The following FLCN variants were observed in gnomAD, a reference collection of about 807,000 sequenced individuals.
FLCN encodes the protein BHD skin lesion fibrofolliculoma protein.
FLCN carries 22 observed loss-of-function variants against 62.5 expected under a neutral mutation model. The observed-to-expected ratio is 0.35, with a 90% CI of 0.25 to 0.50. The LOEUF (loss-of-function observed/expected upper bound fraction) is 0.50, where lower values mean the gene tolerates loss of function less well. Among genes scored for constraint, FLCN ranks in the 20% least tolerant of loss-of-function variants. FLCN has a pLI of 0.97. For missense variants in FLCN, 657 were observed against 778.0 expected (o/e 0.84, Z 1.85); for synonymous variants, 319 against 310.0 (o/e 1.03, Z -0.30).
At chr17:17,219,442 G>A (rs1279579384) in intron 8 of FLCN, 7 of 548,632 alleles carry the variant, frequency 1.3e-5, no homozygotes, top group South Asian at 2.0e-5. Flanking sequence ...TGGAAAGACC[G>A]TCAGCTGTTC....
intron 6 of FLCN, 48 bp downstream of exon 6, chr17:17,223,874 T>C (rs754872443): frequency 1.3e-6 from 2 of 1,596,130 alleles, no homozygotes; most frequent in Non-Finnish European, 1.7e-6. Context: ...GAGCGGCTCA[T>C]GCAGTGCAGG....
intron 6 of FLCN, 189 bp from the exon 7 acceptor site, chr17:17,222,850 T>C (rs1188459092): frequency 1.5e-6 from 1 of 689,230 alleles, no homozygotes; most frequent in Non-Finnish European, 2.6e-6. Context: ...CCCGGCTACA[T>C]CAGGAGCTAT....
intron 4 of FLCN, among the ~76,000 whole-genome samples, chr17:17,226,984 C>T (rs1343276121): frequency 6.6e-6 from 1 of 152,244 alleles, no homozygotes; most frequent in Non-Finnish European, 1.5e-5. Context: ...CCTCCATGGG[C>T]AACCCCAAAA....
intron 13 of FLCN, 78 bp downstream of exon 13, chr17:17,214,907 C>T: frequency 6.8e-7 from 1 of 1,480,934 alleles, no homozygotes; most frequent in Non-Finnish European, 9.4e-7. Flanking sequence ...TGGCCACGGC[C>T]CAGCTCCTCT....
chr17:17,221,033 C>T, intron 8 of FLCN: 2 of 636,526 alleles, frequency 3.1e-6, no homozygotes, highest in Non-Finnish European at 4.9e-6. Flanking sequence ...CAAGACTGGC[C>T]CAGTGCTTCC....
At chr17:17,217,210 C>A (rs368047869) in intron 9 of FLCN, 28 bp from the exon 10 acceptor site, 1 of 1,449,734 alleles carries the variant, frequency 6.9e-7, no homozygotes, top group Non-Finnish European at 9.7e-7. Flanking sequence ...GTGCTTTCAG[C>A]GTGACTAGTA....
Position 17,219,011 on chromosome 17 carries a change from C to G in FLCN, c.1062+8G>C, listed in dbSNP as rs1317761101. The G allele has an allele frequency of 1.9e-6, 3 of 1,612,826 alleles. No homozygotes were observed. In the South Asian group the frequency reaches 3.3e-5, roughly 18 times the overall value. The stretch of plus-strand genomic sequence containing the variant: ...GAGCTCCTGATGCGCTGTGCCCCTG[C>G]CGCCTACCTGCCTCATGTGCCGGAG... On this transcript the variant is annotated splice_region_variant and intron_variant, in intron 9 of 13. Transcript: ENST00000285071.
chr17:17,215,246 G>A lies in FLCN; in HGVS notation c.1371C>T (p.Asp457=). 6.2e-7 allele frequency: 1 copy of A among 1,614,178 alleles called. No homozygotes were observed. Among genetic ancestry groups the A allele is most frequent in the Non-Finnish European group, 8.5e-7 (1 of 1,180,030 alleles). Residue 457 remains aspartate, a synonymous_variant, in exon 12 of 14, where the codon GAC becomes GAT. Transcript: ENST00000285071. The part of the protein sequence containing the change: ...STLHPVGCED[D]QSLSKYEFVV... Reference sequence around the variant, plus strand: ...CAAACTCGTACTTGCTGAGAGACTGGTCATCCTCACACCCCACAGGGTGGA... The same window carrying A: ...CAAACTCGTACTTGCTGAGAGACTGATCATCCTCACACCCCACAGGGTGGA...
At chr17:17,225,820 G>A (rs892604430) in intron 5 of FLCN, 14 of 369,838 alleles carry the variant, frequency 3.8e-5, no homozygotes, top group Non-Finnish European at 6.5e-5. Context: ...GTTTGAGGTT[G>A]CAGTGAACCA....
intron 13 of FLCN, 88 bp downstream of exon 13, chr17:17,214,897 T>G: frequency 1.4e-6 from 2 of 1,385,764 alleles, no homozygotes; most frequent in Non-Finnish European, 2.0e-6. Context: ...CCTCCCTCAG[T>G]GGCCACGGCC....
In FLCN at chr17:17,232,791, A is replaced by G; in HGVS notation, c.-117T>C. 6.5e-6 allele frequency: 1 copy of G among 152,830 alleles called. No homozygotes were observed. The highest frequency in any genetic ancestry group is 1.5e-5 in the Non-Finnish European group (1 of 68,206). The allele number at this position is 152,830 out of a possible 1,614,324, so 9.5% of individuals were successfully genotyped here. On this transcript the variant is annotated 5_prime_UTR_variant, in exon 2 of 14. Coordinates refer to ENST00000285071, the MANE Select transcript of FLCN (RefSeq NM_144997.7). ...CCTGCAGAGCACCCACACTAACCTG[A>G]CACTCAGCAGAATCACGCTTCCACC...
intron 3 of FLCN, chr17:17,229,093 G>A (rs569439458): frequency 6.5e-6 from 1 of 153,326 alleles, no homozygotes; most frequent in East Asian, 1.9e-4. Flanking sequence ...GTGGGGTGCA[G>A]AGTGCGGAGC....
Position 17,212,573 on chromosome 17 carries a change from T to C in FLCN, c.*1082A>G. ...GCTGAGGTGGGTGGATCACCTGAGG[T>C]CAGGAGTTTGAGACCAGCCCGGCCA... On this transcript the variant is annotated 3_prime_UTR_variant, in exon 14 of 14. Coordinates refer to ENST00000285071, the MANE Select transcript of FLCN (RefSeq NM_144997.7). The C allele has an allele frequency of 6.1e-6, 1 of 164,150 alleles. No individual in the cohort carries two copies. The highest frequency in any genetic ancestry group is 1.3e-5 in the Non-Finnish European group (1 of 77,554). The allele number at this position is 164,150 out of a possible 1,614,324, so 10.2% of individuals were successfully genotyped here. A position where few individuals can be genotyped will look rare whatever the true frequency, so the allele number is the denominator to read the frequency against.
chr17:17,215,305 T>C lies in FLCN; in HGVS notation c.1312A>G (p.Ile438Val). 6.2e-7 allele frequency: 1 copy of C among 1,614,016 alleles called. No individual in the cohort carries two copies. The highest frequency in any genetic ancestry group is 1.1e-5 in the South Asian group (1 of 91,068). The change falls in exon 12 of 14, where the codon ATC becomes GTC. Residue 438 changes from isoleucine (I) to valine (V), a missense_variant. Ile to Val is a conservative substitution (Grantham distance 29). Coordinates refer to ENST00000285071, the MANE Select transcript of FLCN (RefSeq NM_144997.7). ...PHVLSSEFAV[I>V]VEVHAAARST... ...CGTGCGGCTGCGTGGACCTCCACGA[T>C]GACAGCAAACTCTGTAACAACACAA... is the stretch of plus-strand genomic sequence containing the variant.
intron 6 of FLCN, among the ~76,000 whole-genome samples, chr17:17,223,285 G>A (rs565973558): frequency 6.6e-6 from 1 of 152,306 alleles, no homozygotes; most frequent in East Asian, 1.9e-4. Flanking sequence ...AAGAGACGGG[G>A]TTTCTCCATG....
intron 3 of FLCN, among the ~76,000 whole-genome samples, chr17:17,229,737 AC>A (rs551790867): frequency 1.1e-3 from 173 of 152,328 alleles, no homozygotes; most frequent in African/African-American, 4.0e-3. Flanking sequence ...GTCAAAGGTG[AC>A]CTTAACACAG....
At position 17,222,689 on chromosome 17, in the gene FLCN, C is replaced by T. The variant is rs199710327; in HGVS notation, c.619-28G>A. On this transcript the variant is annotated intron_variant, in intron 6 of 13. Transcript: ENST00000285071. ...GAAATGCAAAGGGAAGGGATGGCCT[C>T]TTTAAGCCAAAGCTGCCAGCAGCTC... 175 of 1,614,108 alleles carry T rather than the reference C, an allele frequency of 1.1e-4. No homozygotes were observed. In the African/African-American group the frequency reaches 2.1e-3, roughly 20 times the overall value.
At chr17:17,229,794 T>C (rs1437025851) in intron 3 of FLCN, among the ~76,000 whole-genome samples, 1 of 152,122 alleles carries the variant, frequency 6.6e-6, no homozygotes, top group African/African-American at 2.4e-5. Context: ...AGAGAGCCCT[T>C]TGGAGAGTTT....
At chr17:17,221,423 G>T in intron 8 of FLCN, 114 bp downstream of exon 8, 1 of 1,613,852 alleles carries the variant, frequency 6.2e-7, no homozygotes, top group Non-Finnish European at 8.5e-7. Flanking sequence ...CTCGTTCTGG[G>T]CTGATTCAGA....
Sources: gnomAD v4.1 joint callset for allele counts (sites outside exome capture counted in the v4.1 genomes callset) on GRCh38, gnomAD v4.1.1 for gene constraint, MANE v1.5 for transcripts, NCBI Gene and HGNC (gene_info 2026-07-23, HGNC 2026-07-21) for gene names.